Variants in NAPB observed in about 807,000 individuals in gnomAD.
The protein encoded by NAPB is NSF attachment protein beta.
NAPB carries 26 observed loss-of-function variants against 44.7 expected under a neutral mutation model. The observed-to-expected ratio is 0.58, with a 90% confidence interval of 0.43 to 0.81. NAPB has a LOEUF of 0.81. NAPB is among the 30% of genes least tolerant of loss of function. The probability of loss-of-function intolerance (pLI) is 0.00; values close to 1 mark genes in which losing one functional copy is unlikely to be tolerated. For synonymous variants in NAPB, 120 were observed against 116.8 expected (o/e 1.03, Z -0.18); for missense variants, 315 against 356.4 (o/e 0.88, Z 0.94).
chr20:23,383,156 CA>C (rs34238446), intron 7 of NAPB, among the ~76,000 whole-genome samples: 1,217 of 76,724 alleles, frequency 0.016, 2 homozygotes, highest in Non-Finnish European at 0.023. Context: ...GACTCGGTCT[CA>C]AAAAAAAAAA....
intron 1 of NAPB, among the ~76,000 whole-genome samples, chr20:23,411,346 G>A (rs1410015792): frequency 6.6e-6 from 1 of 152,090 alleles, no homozygotes; most frequent in East Asian, 1.9e-4. Context: ...AGAAAATCAG[G>A]CTAAGACTTC....
At chr20:23,407,927 G>A (rs955848263) in intron 1 of NAPB, among the ~76,000 whole-genome samples, 4 of 152,142 alleles carry the variant, frequency 2.6e-5, no homozygotes, top group Non-Finnish European at 4.4e-5. Flanking sequence ...ACTATAGTCC[G>A]TACTATTTTA....
chr20:23,399,992 T>C (rs1984707060), intron 2 of NAPB, among the ~76,000 whole-genome samples: 1 of 152,210 alleles, frequency 6.6e-6, no homozygotes, highest in African/African-American at 2.4e-5. Context: ...CATTTCATTT[T>C]TGATAACTTA....
rs764882987 is a variant in NAPB at position 23,379,498 on chromosome 20, G to A, written c.736-3C>T. The A allele has an allele frequency of 1.2e-6, 2 of 1,602,944 alleles. No homozygotes were observed. The highest frequency in any genetic ancestry group is 1.7e-6 in the Non-Finnish European group (2 of 1,175,776). On this transcript the variant is annotated splice_region_variant and splice_polypyrimidine_tract_variant and intron_variant, in intron 9 of 10. Transcript: ENST00000377026. ...TCTTCATGAGCTTCTAGGAGTTTCT[G>A]GTAGCATAAAAATATTTTAAAAAAC... is the stretch of plus-strand genomic sequence containing the variant.
Position 23,379,893 on chromosome 20 carries a change from C to T in NAPB, c.709G>A (p.Asp237Asn). ...TTCAATAATTTACATTCTCTTGAAT[C>T]AGTAAATGCTGGAAACATTTCCTCA... ...KYEEMFPAFT[D>N]SRECKLLKKL... is the part of the protein sequence containing the mutation. Residue 237 changes from aspartate (D) to asparagine (N), a missense_variant, in exon 9 of 11, where the codon GAT becomes AAT. Physicochemically the swap from Asp to Asn is conservative, Grantham distance 23 (BLOSUM62 1). This residue lies in a region of NAPB where 120 missense variants were observed against 130.5 expected (regional missense o/e 0.92). Coordinates refer to ENST00000377026, the MANE Select transcript of NAPB (RefSeq NM_022080.3). 2 of 1,612,844 alleles carry T rather than the reference C, an allele frequency of 1.2e-6. No individual in the cohort carries two copies. The highest frequency in any genetic ancestry group is 1.7e-6 in the Non-Finnish European group (2 of 1,179,178).
At chr20:23,379,178 C>A in intron 10 of NAPB, 1 of 334,838 alleles carries the variant, frequency 3.0e-6, no homozygotes, top group Non-Finnish European at 5.4e-6. Flanking sequence ...AAAATTAAAA[C>A]AGCAAATTAT....
At chr20:23,399,597 C>A (rs1260615580) in intron 2 of NAPB, among the ~76,000 whole-genome samples, 2 of 152,228 alleles carry the variant, frequency 1.3e-5, no homozygotes, top group Non-Finnish European at 2.9e-5. Context: ...AATCAGAGTA[C>A]ATGCCAGCCT....
Position 23,376,463 on chromosome 20 carries a change from C to T in NAPB, c.*913G>A, listed in dbSNP as rs1982527902. 1 of 152,216 alleles carries T rather than the reference C, an allele frequency of 6.6e-6. No homozygotes were observed. Among genetic ancestry groups the T allele is most frequent in the African/African-American group, 2.4e-5 (1 of 41,450 alleles). The allele number at this position is 152,216 out of a possible 1,614,324, so 9.4% of individuals were successfully genotyped here. ...TACATACATTCATTCTCAAGCTTGA[C>T]TTAGATAATCTATCCAGCCCTGACC... On this transcript the variant is annotated 3_prime_UTR_variant, in exon 11 of 11. Coordinates refer to ENST00000377026, the MANE Select transcript of NAPB (RefSeq NM_022080.3).
At chr20:23,379,276 A>G in intron 10 of NAPB, 169 bp downstream of exon 10, 2 of 519,602 alleles carry the variant, frequency 3.8e-6, no homozygotes, top group Non-Finnish European at 3.4e-6. Flanking sequence ...TGGCTAATGG[A>G]ACTGTTTAAT....
intron 7 of NAPB, among the ~76,000 whole-genome samples, chr20:23,388,880 C>A (rs939639641): frequency 1.1e-4 from 17 of 151,792 alleles, no homozygotes; most frequent in Non-Finnish European, 2.9e-5. Flanking sequence ...AAAAGCCAGA[C>A]AAAGAAAAAA....
Position 23,381,238 on chromosome 20 carries a change from A to AT in NAPB, c.640_641insA (p.Phe214TyrfsTer13). On this transcript the variant is annotated frameshift_variant, in exon 8 of 11. Coordinates refer to ENST00000377026, the MANE Select transcript of NAPB (RefSeq NM_022080.3). LOFTEE classifies it high-confidence loss of function. ...CTTGGCATTCAACTCGTCTACTATG[A>AT]AGTGGCAGAGGGCAGCTTTGAAGAA... is the stretch of plus-strand genomic sequence containing the variant. 6.2e-7 allele frequency: 1 copy of AT among 1,613,578 alleles called. No homozygotes were observed. Among genetic ancestry groups the AT allele is most frequent in the Non-Finnish European group, 8.5e-7 (1 of 1,179,688 alleles).
At chr20:23,420,162 C>G (rs1286382274) in intron 1 of NAPB, among the ~76,000 whole-genome samples, 3 of 152,152 alleles carry the variant, frequency 2.0e-5, no homozygotes, top group African/African-American at 7.2e-5. Flanking sequence ...TTCACATATT[C>G]AACAGCCCAG....
chr20:23,411,581 A>G (rs909855556), intron 1 of NAPB, among the ~76,000 whole-genome samples: 3 of 152,156 alleles, frequency 2.0e-5, no homozygotes, highest in African/African-American at 7.2e-5. Flanking sequence ...AAATGTAAGG[A>G]CAAGGGTAGA....
chr20:23,406,513 T>C (rs1985267607), intron 1 of NAPB, among the ~76,000 whole-genome samples: 1 of 152,136 alleles, frequency 6.6e-6, no homozygotes, highest in Non-Finnish European at 1.5e-5. Flanking sequence ...CAAAAACCTT[T>C]GGGGACTATG....
At chr20:23,414,297 G>A (rs1463798164) in intron 1 of NAPB, among the ~76,000 whole-genome samples, 1 of 151,908 alleles carries the variant, frequency 6.6e-6, no homozygotes, top group Non-Finnish European at 1.5e-5. Flanking sequence ...ACTCCAGCCT[G>A]GTCAACAAAG....
chr20:23,382,407 T>G (rs990030664), intron 7 of NAPB, among the ~76,000 whole-genome samples: 1 of 152,180 alleles, frequency 6.6e-6, no homozygotes, highest in African/African-American at 2.4e-5. Context: ...CAGAAATGAC[T>G]TGTAATACCA....
chr20:23,416,885 T>C (rs1042829503), intron 1 of NAPB, among the ~76,000 whole-genome samples: 5 of 152,180 alleles, frequency 3.3e-5, no homozygotes, highest in African/African-American at 1.2e-4. Context: ...CAGTCTACAA[T>C]GCTTAAGAAA....
chr20:23,396,115 T>C (rs1984344517), intron 3 of NAPB, among the ~76,000 whole-genome samples: 1 of 152,258 alleles, frequency 6.6e-6, no homozygotes, highest in Non-Finnish European at 1.5e-5. Context: ...CACATTTCTA[T>C]ATGCACAAAC....
chr20:23,401,698 T>C (rs1984862442), intron 2 of NAPB, among the ~76,000 whole-genome samples: 1 of 152,114 alleles, frequency 6.6e-6, no homozygotes, highest in African/African-American at 2.4e-5. Context: ...CTGGGCAACA[T>C]GGTGAAACCC....
Sources: allele counts gnomAD v4.1 joint callset (sites outside exome capture counted in the v4.1 genomes callset), GRCh38; gene constraint gnomAD v4.1.1; regional missense constraint gnomAD v4.1.1; transcripts MANE v1.5; gene names NCBI Gene and HGNC (gene_info 2026-07-23, HGNC 2026-07-21).